FYN: variants seen among roughly 807,000 people sequenced by gnomAD.
The protein encoded by FYN is FYN proto-oncogene, Src family tyrosine kinase, also known as tyrosine-protein kinase Fyn.
FYN carries 10 observed loss-of-function variants against 70.2 expected under a neutral mutation model. That is an observed-to-expected ratio of 0.14 (90% CI 0.09 to 0.24). The LOEUF (loss-of-function observed/expected upper bound fraction) is 0.24, where lower values mean the gene tolerates loss of function less well. Among genes scored for constraint, FYN ranks in the 10% least tolerant of loss-of-function variants. FYN has a pLI of 1.00. For missense variants in FYN, 319 were observed against 673.1 expected (o/e 0.47, Z 5.82); for synonymous variants, 236 against 248.6 (o/e 0.95, Z 0.48).
At chr6:111,755,868 C>T (rs900323198) in intron 3 of FYN, among the ~76,000 whole-genome samples, 37 of 152,140 alleles carry the variant, frequency 2.4e-4, no homozygotes, top group African/African-American at 8.4e-4. Context: ...TCAGATTTCA[C>T]TACAGTTTTA....
intron 3 of FYN, among the ~76,000 whole-genome samples, chr6:111,760,632 C>T (rs1157966003): frequency 6.6e-6 from 1 of 152,210 alleles, no homozygotes; most frequent in African/African-American, 2.4e-5. Flanking sequence ...GCTCCTCACA[C>T]AAAGAAGCCC....
At chr6:111,831,210 T>C (rs1773007374) in intron 2 of FYN, among the ~76,000 whole-genome samples, 1 of 152,148 alleles carries the variant, frequency 6.6e-6, no homozygotes, top group Non-Finnish European at 1.5e-5. Context: ...ATCTGCTTGA[T>C]AGATGTGCCA....
chr6:111,703,738 A>G (rs2128446368), intron 7 of FYN, among the ~76,000 whole-genome samples: 1 of 152,332 alleles, frequency 6.6e-6, no homozygotes, highest in Admixed American at 6.5e-5. Context: ...TGAAAATTCT[A>G]CGATCTTGTG....
chr6:111,700,026 A>T, intron 9 of FYN, 78 bp downstream of exon 9: 1 of 1,323,420 alleles, frequency 7.6e-7, no homozygotes, highest in Non-Finnish European at 1.0e-6. Context: ...CGCAGTCTTT[A>T]TTTTCACCTT....
At chr6:111,838,358 T>C (rs996564704) in intron 2 of FYN, among the ~76,000 whole-genome samples, 1 of 152,198 alleles carries the variant, frequency 6.6e-6, no homozygotes, top group Non-Finnish European at 1.5e-5. Context: ...CACAAGACTA[T>C]TATGACAGAT....
chr6:111,749,619 G>T lies in FYN; in HGVS notation c.-11-29557C>A, dbSNP rs1236499207. 2.6e-5 allele frequency among the ~76,000 whole-genome samples: 4 copies of T among 152,262 alleles called. No individual in the cohort carries two copies. The East Asian group carries it at 7.7e-4, about 29-fold the overall frequency. On this transcript the variant is annotated intron_variant, in intron 3 of 13. Coordinates refer to ENST00000354650, the MANE Select transcript of FYN (RefSeq NM_002037.5). ...CTATTTCTTTTCATGTTCAAAGCATGTAATTATCTGCTAGAAGTTATTCTG... is the reference window on the plus strand; with the variant it reads ...CTATTTCTTTTCATGTTCAAAGCATTTAATTATCTGCTAGAAGTTATTCTG...
chr6:111,802,605 T>C (rs1772024758), intron 2 of FYN, among the ~76,000 whole-genome samples: 1 of 151,980 alleles, frequency 6.6e-6, no homozygotes, highest in South Asian at 2.1e-4. Context: ...CTAATTTGTA[T>C]TTTTGGTAGA....
intron 3 of FYN, 89 bp downstream of exon 3, chr6:111,780,477 T>G (rs891079047): frequency 1.3e-5 from 2 of 152,550 alleles, no homozygotes; most frequent in Non-Finnish European, 2.9e-5. Flanking sequence ...AGTGCAGAAG[T>G]AAAAGATGGA....
intron 3 of FYN, among the ~76,000 whole-genome samples, chr6:111,765,248 C>T (rs1803184553): frequency 6.6e-6 from 1 of 152,130 alleles, no homozygotes; most frequent in South Asian, 2.1e-4. Context: ...TGTGTTGAAG[C>T]CCTAACCCCC....
intron 2 of FYN, among the ~76,000 whole-genome samples, chr6:111,803,874 A>G (rs1339970822): frequency 1.3e-5 from 2 of 152,238 alleles, no homozygotes; most frequent in Non-Finnish European, 2.9e-5. Flanking sequence ...GTATGTTAAT[A>G]TGGGATATTT....
chr6:111,787,786 G>A (rs1771455304), intron 2 of FYN, among the ~76,000 whole-genome samples: 1 of 152,090 alleles, frequency 6.6e-6, no homozygotes, highest in Admixed American at 6.5e-5. Context: ...TCTATAACTG[G>A]GGGAGCAGCT....
chr6:111,773,554 GCA>G (rs1803563885), intron 3 of FYN, among the ~76,000 whole-genome samples: 16 of 36,230 alleles, frequency 4.4e-4, no homozygotes, highest in Non-Finnish European at 6.9e-4. Flanking sequence ...AGAGGGAGAC[GCA>G]GAGGAGGGAG....
At chr6:111,662,235 C>T (rs886401533) in intron 13 of FYN, among the ~76,000 whole-genome samples, 3 of 152,258 alleles carry the variant, frequency 2.0e-5, no homozygotes, top group South Asian at 4.1e-4. Flanking sequence ...CTAGAAAAGG[C>T]GCAACTACAT....
At chr6:111,720,818 T>C (rs2128462725) in intron 3 of FYN, among the ~76,000 whole-genome samples, 1 of 152,156 alleles carries the variant, frequency 6.6e-6, no homozygotes, top group Middle Eastern at 3.4e-3. Flanking sequence ...TGTTACAGAG[T>C]TAGTGGCGGA....
In FYN at chr6:111,684,963, GA is replaced by G. The variant is rs369682585; in HGVS notation, c.1273+9411del. On this transcript the variant is annotated intron_variant, in intron 12 of 13. Transcript: ENST00000354650. ...TATCCTTCCAGTTTCCGAAGAGCCA[GA>G]AAGGAAGTAATATCAGAATAAAAAT... Among the ~76,000 whole-genome samples, 635 of 152,298 alleles carry G rather than the reference GA, an allele frequency of 4.2e-3. 6 individuals are homozygous for G. Among genetic ancestry groups the G allele is most frequent in the African/African-American group, 0.014 (591 of 41,568 alleles).
chr6:111,872,481 T>G (rs1376714125), intron 1 of FYN, among the ~76,000 whole-genome samples: 2 of 103,568 alleles, frequency 1.9e-5, no homozygotes, highest in Non-Finnish European at 3.5e-5. Context: ...GGCAGGAGGA[T>G]GGGTTGGAGA....
At chr6:111,673,945 T>C (rs1798423743) in intron 13 of FYN, among the ~76,000 whole-genome samples, 1 of 148,372 alleles carries the variant, frequency 6.7e-6, no homozygotes. Context: ...TGGTATAGCA[T>C]GTTTTGACTG....
At chr6:111,812,008 C>T (rs1006101137) in intron 2 of FYN, among the ~76,000 whole-genome samples, 2 of 152,132 alleles carry the variant, frequency 1.3e-5, no homozygotes, top group Admixed American at 6.5e-5. Context: ...CCTCTGCACC[C>T]CAGGACCCAG....
chr6:111,747,868 T>C (rs573592204), intron 3 of FYN, among the ~76,000 whole-genome samples: 1 of 152,370 alleles, frequency 6.6e-6, no homozygotes, highest in East Asian at 1.9e-4. Flanking sequence ...TCATGCTTCA[T>C]TCTTACGAAT....
Sources: allele counts gnomAD v4.1 joint callset (sites outside exome capture counted in the v4.1 genomes callset), GRCh38; gene constraint gnomAD v4.1.1; transcripts MANE v1.5; gene names NCBI Gene and HGNC (gene_info 2026-07-23, HGNC 2026-07-21).